The following TECPR1 variants were observed in gnomAD, a reference collection of about 807,000 sequenced individuals.
The protein encoded by TECPR1 is tectonin beta-propeller repeat-containing protein 1.
A neutral mutation model predicts 162.4 loss-of-function variants in TECPR1; 122 were observed. The observed-to-expected ratio is 0.75, with a 90% confidence interval of 0.65 to 0.87. The LOEUF is 0.87. TECPR1 is among the 40% of genes least tolerant of loss of function. The pLI, the probability that TECPR1 is intolerant of heterozygous loss-of-function variation, is 0.00. For synonymous variants in TECPR1, 642 were observed against 670.6 expected (o/e 0.96, Z 0.66); for missense variants, 1,432 against 1,618.2 (o/e 0.88, Z 1.97).
At chr7:98,240,291 C>T (rs1339039293) in intron 8 of TECPR1, among the ~76,000 whole-genome samples, 3 of 152,132 alleles carry the variant, frequency 2.0e-5, no homozygotes, top group East Asian at 3.8e-4. Flanking sequence ...TTAGGTGATA[C>T]TTGCAGTTGC....
At chr7:98,228,367 C>A in intron 16 of TECPR1, 1 of 479,968 alleles carries the variant, frequency 2.1e-6, no homozygotes, top group Non-Finnish European at 3.8e-6. Flanking sequence ...ATTAAATCTC[C>A]CATCCACACC....
chr7:98,217,740 G>A lies in TECPR1; in HGVS notation c.3336C>T (p.Gly1112=), dbSNP rs754597014. The change falls in exon 25 of 26, where the codon GGC becomes GGT. Residue 1112 remains glycine, a synonymous_variant. Coordinates refer to ENST00000447648, the MANE Select transcript of TECPR1 (RefSeq NM_015395.3). ...LSRGTVCHRT[G]VQPHEPKGHG... ...GGCCCTTGGGCTCGTGAGGCTGCAC[G>A]CCGGTGCGATGACACACTGTCCCCC... 496 of 1,550,200 alleles carry A rather than the reference G, an allele frequency of 3.2e-4. 1 individual carries two copies. The highest frequency in any genetic ancestry group is 4.0e-4 in the Non-Finnish European group (464 of 1,146,874).
chr7:98,221,538 G>A (rs931660905), intron 23 of TECPR1, 123 bp downstream of exon 23: 5 of 761,952 alleles, frequency 6.6e-6, no homozygotes, highest in Non-Finnish European at 1.1e-5. Flanking sequence ...TGTTGGCCAG[G>A]CTGGTCTCGA....
intron 2 of TECPR1, among the ~76,000 whole-genome samples, chr7:98,249,319 G>C (rs1303027447): frequency 1.3e-5 from 2 of 152,172 alleles, no homozygotes; most frequent in Non-Finnish European, 2.9e-5. Context: ...TGGGGGAAAA[G>C]AATAGGAGGG....
intron 22 of TECPR1, 82 bp downstream of exon 22, chr7:98,222,304 C>A: frequency 1.3e-6 from 2 of 1,506,252 alleles, no homozygotes; most frequent in Non-Finnish European, 8.9e-7. Flanking sequence ...TCTGGGGGAC[C>A]CTGGCCCAGA....
intron 19 of TECPR1, among the ~76,000 whole-genome samples, chr7:98,224,355 C>CA (rs1347555294): frequency 6.6e-6 from 1 of 152,226 alleles, no homozygotes; most frequent in Non-Finnish European, 1.5e-5. Context: ...CACACTGCCC[C>CA]TTCACCTAAC....
At chr7:98,224,734 G>T in intron 19 of TECPR1, 67 bp downstream of exon 19, 1 of 1,448,282 alleles carries the variant, frequency 6.9e-7, no homozygotes, top group Non-Finnish European at 9.4e-7. Context: ...TGAGGCCAGA[G>T]GCCACACACT....
At chr7:98,248,031 T>C (rs1370710765) in intron 2 of TECPR1, among the ~76,000 whole-genome samples, 14 of 152,198 alleles carry the variant, frequency 9.2e-5, no homozygotes, top group Admixed American at 9.2e-4. Flanking sequence ...CAGCCCTTTC[T>C]CTCTTCTTTC....
At chr7:98,244,169 T>C (rs772673636) in intron 5 of TECPR1, among the ~76,000 whole-genome samples, 14 of 152,164 alleles carry the variant, frequency 9.2e-5, no homozygotes, top group Non-Finnish European at 1.9e-4. Context: ...CCTCCACTCA[T>C]TGGAGGCCAC....
intron 23 of TECPR1, among the ~76,000 whole-genome samples, chr7:98,221,207 C>G (rs1242271465): frequency 6.6e-6 from 1 of 152,042 alleles, no homozygotes; most frequent in African/African-American, 2.4e-5. Flanking sequence ...GAGGCTGAGG[C>G]AGGAGAATCG....
At chr7:98,230,885 C>T in intron 15 of TECPR1, 76 bp downstream of exon 15, 1 of 1,536,426 alleles carries the variant, frequency 6.5e-7, no homozygotes, top group Non-Finnish European at 8.7e-7. Context: ...CTCCAGTCCT[C>T]TGGATCCCCC....
intron 6 of TECPR1, among the ~76,000 whole-genome samples, chr7:98,242,927 T>C (rs1016702497): frequency 0.12 from 345 of 2,996 alleles, no homozygotes; most frequent in East Asian, 0.38. Context: ...CACACACCCA[T>C]CCGCCCATCC....
Position 98,233,572 on chromosome 7 carries a change from G to C in TECPR1, c.1521C>G (p.Pro507=), listed in dbSNP as rs540853813. The change falls in exon 11 of 26, where the codon CCC becomes CCG. Residue 507 remains proline, a synonymous_variant. Coordinates refer to ENST00000447648, the MANE Select transcript of TECPR1 (RefSeq NM_015395.3). ...KVPSHSAAGF[P]ETTSLSSLGL... ...CCAGAGAGGAGAGGCTGGTGGTCTC[G>C]GGGAAGCCAGCGGCCGAGTGGCTGG... 1.8e-5 allele frequency: 29 copies of C among 1,596,896 alleles called. No individual in the cohort carries two copies. Among genetic ancestry groups the C allele is most frequent in the East Asian group, 1.1e-4 (5 of 44,592 alleles).
At chr7:98,229,826 T>C (rs770070496) in intron 15 of TECPR1, among the ~76,000 whole-genome samples, 15 of 152,102 alleles carry the variant, frequency 9.9e-5, no homozygotes, top group Non-Finnish European at 1.8e-4. Flanking sequence ...CCAGCCCCAG[T>C]GCCCACGGGT....
intron 10 of TECPR1, among the ~76,000 whole-genome samples, chr7:98,234,311 C>A (rs138098600): frequency 0.027 from 4,122 of 152,286 alleles, 91 homozygotes; most frequent in South Asian, 0.089. Flanking sequence ...TGCACCACCA[C>A]GCCTGGCTAA....
chr7:98,234,035 T>C, intron 10 of TECPR1, 124 bp from the exon 11 acceptor site: 1 of 1,262,472 alleles, frequency 7.9e-7, no homozygotes, highest in Non-Finnish European at 1.1e-6. Flanking sequence ...AGAACCTCTC[T>C]GAACTCCTGT....
chr7:98,217,288 T>G lies in TECPR1; in HGVS notation c.*102A>C. 1.3e-6 allele frequency: 1 copy of G among 798,746 alleles called. No homozygotes were observed. The highest frequency in any genetic ancestry group is 1.9e-6 in the Non-Finnish European group (1 of 515,622). The allele number at this position is 798,746 out of a possible 1,614,324, so 49.5% of individuals were successfully genotyped here. A position where few individuals can be genotyped will look rare whatever the true frequency, so the allele number is the denominator to read the frequency against. On this transcript the variant is annotated 3_prime_UTR_variant, in exon 26 of 26. Coordinates refer to ENST00000447648, the MANE Select transcript of TECPR1 (RefSeq NM_015395.3). Reference sequence around the variant, plus strand: ...GGCCAGGTTCCCTCCTGAGTCCACCTGGGCCACATTGCTCCCACGGTGCAC... The same window carrying G: ...GGCCAGGTTCCCTCCTGAGTCCACCGGGGCCACATTGCTCCCACGGTGCAC...
At chr7:98,244,519 A>G in intron 5 of TECPR1, 52 bp downstream of exon 5, 1 of 1,545,260 alleles carries the variant, frequency 6.5e-7, no homozygotes, top group South Asian at 1.2e-5. Flanking sequence ...GCTGCATGTG[A>G]CACTCTGTCC....
At chr7:98,226,383 T>C in intron 17 of TECPR1, 1 of 940,378 alleles carries the variant, frequency 1.1e-6, no homozygotes, top group South Asian at 4.9e-5. Flanking sequence ...GCTGAAAAGG[T>C]CACATATGGT....
Sources: allele counts gnomAD v4.1 joint callset (sites outside exome capture counted in the v4.1 genomes callset), GRCh38; gene constraint gnomAD v4.1.1; transcripts MANE v1.5; gene names NCBI Gene and HGNC (gene_info 2026-07-23, HGNC 2026-07-21).